Variants in SLC14A2 observed in about 807,000 individuals in gnomAD.
The protein encoded by SLC14A2 is urea transporter 2.
A neutral mutation model predicts 104.6 loss-of-function variants in SLC14A2; 91 were observed. The ratio of observed to expected loss-of-function variants is 0.87; its 90% CI spans 0.73 to 1.04. The LOEUF is 1.04. Ranked by LOEUF, SLC14A2 falls within the 50% of genes least tolerant of loss-of-function variation. The pLI is 0.00. For missense variants in SLC14A2, 1,189 were observed against 1,156.0 expected, an observed-to-expected ratio of 1.03 and a Z score of -0.41; for synonymous variants, 476 against 466.4, an observed-to-expected ratio of 1.02 and a Z score of -0.27.
rs554083807 is a variant in SLC14A2 at position 45,666,028 on chromosome 18, A to G, written c.1475-109A>G. On this transcript the variant is annotated intron_variant, in intron 11 of 19. Coordinates refer to ENST00000255226, the MANE Select transcript of SLC14A2 (RefSeq NM_007163.4). ...GATTCTGTGCTTCCTCAGTAGGAAC[A>G]GGAAATACTGCATAATCTTAACACC... 1.9e-5 allele frequency: 14 copies of G among 748,544 alleles called. No homozygotes were observed. In the African/African-American group the frequency reaches 2.4e-4, roughly 13 times the overall value. 46.4% of individuals were successfully genotyped at this position (748,544 alleles called of 1,614,324 possible).
At chr18:45,335,323 A>G (rs542070613) in intron 1 of SLC14A2, among the ~76,000 whole-genome samples, 41 of 152,234 alleles carry the variant, frequency 2.7e-4, no homozygotes, top group Admixed American at 1.3e-3. Flanking sequence ...CTTTTTGTCT[A>G]GCTTCTTTTA....
chr18:45,314,669 G>T (rs1423820615), intron 1 of SLC14A2, among the ~76,000 whole-genome samples: 3 of 152,224 alleles, frequency 2.0e-5, no homozygotes, highest in African/African-American at 7.2e-5. Context: ...CTTGGCAATT[G>T]CAGAGAATAG....
chr18:45,301,650 A>G (rs757612064), intron 1 of SLC14A2, among the ~76,000 whole-genome samples: 11 of 152,370 alleles, frequency 7.2e-5, no homozygotes, highest in Non-Finnish European at 1.0e-4. Context: ...GTGCAATTCA[A>G]TCAAACTGGC....
chr18:45,382,240 A>G (rs932707641), intron 1 of SLC14A2, among the ~76,000 whole-genome samples: 2 of 152,208 alleles, frequency 1.3e-5, no homozygotes, highest in African/African-American at 4.8e-5. Flanking sequence ...AGTTATTGCT[A>G]TCAGGTGTGT....
At chr18:45,374,502 G>A (rs140793371) in intron 1 of SLC14A2, among the ~76,000 whole-genome samples, 2 of 152,142 alleles carry the variant, frequency 1.3e-5, no homozygotes, top group South Asian at 4.1e-4. Context: ...GACCACCAGA[G>A]TTGGAAGGGA....
chr18:45,237,965 G>A (rs1383011847), intron 1 of SLC14A2, among the ~76,000 whole-genome samples: 1 of 152,180 alleles, frequency 6.6e-6, no homozygotes, highest in Non-Finnish European at 1.5e-5. Context: ...ATAGCTTCAT[G>A]CATATTAATG....
chr18:45,200,813 C>T, the SLC14A2 span, among the ~76,000 whole-genome samples: 4 of 152,126 alleles, frequency 2.6e-5, no homozygotes, highest in African/African-American at 9.6e-5. Flanking sequence ...AAAGTTAGAC[C>T]TCCAAAATAC....
At chr18:45,291,497 C>G (rs1053763395) in intron 1 of SLC14A2, among the ~76,000 whole-genome samples, 3 of 152,110 alleles carry the variant, frequency 2.0e-5, no homozygotes, top group African/African-American at 7.2e-5. Context: ...CTTATTGCCC[C>G]TGGTTACGCA....
intron 2 of SLC14A2, 49 bp from the exon 3 acceptor site, chr18:45,625,634 G>A: frequency 6.8e-7 from 1 of 1,460,726 alleles, no homozygotes; most frequent in Non-Finnish European, 9.2e-7. Context: ...AAATGTCCCT[G>A]CTCTCAGAAA....
chr18:45,550,803 T>C (rs2044045794), intron 2 of SLC14A2, among the ~76,000 whole-genome samples: 1 of 152,200 alleles, frequency 6.6e-6, no homozygotes, highest in Admixed American at 6.5e-5. Context: ...GGTTTCCTTC[T>C]GGGACAGGTC....
chr18:45,455,836 T>C (rs565656951), intron 1 of SLC14A2, among the ~76,000 whole-genome samples: 2 of 152,130 alleles, frequency 1.3e-5, no homozygotes, highest in Admixed American at 1.3e-4. Flanking sequence ...AGACAAAAGC[T>C]ATGAAAAACT....
intron 2 of SLC14A2, among the ~76,000 whole-genome samples, chr18:45,565,151 G>T (rs1482104475): frequency 1.3e-5 from 2 of 149,506 alleles, no homozygotes; most frequent in Non-Finnish European, 3.0e-5. Flanking sequence ...TTGAGACAGA[G>T]TCTTGCTCTG....
rs779275990 is a variant in SLC14A2 at position 45,679,979 on chromosome 18, T to C, written c.2562+955T>C. On this transcript the variant is annotated intron_variant, in intron 19 of 19. Transcript: ENST00000255226. ...GGAACAGGGACCTCATCATATTATCTTTATCTCCAGTATCTGTTATAGTCT... is the reference window on the plus strand; with the variant it reads ...GGAACAGGGACCTCATCATATTATCCTTATCTCCAGTATCTGTTATAGTCT... Among the ~76,000 whole-genome samples, 52 of 152,196 alleles carry C rather than the reference T, an allele frequency of 3.4e-4. 1 individual carries two copies.
chr18:45,477,485 C>A (rs2087404321), intron 1 of SLC14A2, among the ~76,000 whole-genome samples: 1 of 152,216 alleles, frequency 6.6e-6, no homozygotes, highest in Admixed American at 6.5e-5. Flanking sequence ...AGGAGGCAGT[C>A]TGTCCCTTAG....
chr18:45,234,559 C>G (rs1341851204), intron 1 of SLC14A2, among the ~76,000 whole-genome samples: 1 of 152,186 alleles, frequency 6.6e-6, no homozygotes, highest in East Asian at 1.9e-4. Flanking sequence ...TAAAGACCAG[C>G]AATTATTTAA....
At chr18:45,526,170 G>A (rs963163807) in intron 2 of SLC14A2, among the ~76,000 whole-genome samples, 2 of 152,156 alleles carry the variant, frequency 1.3e-5, no homozygotes, top group African/African-American at 2.4e-5. Context: ...TTAGTGCAGC[G>A]TATCTTAGCT....
intron 2 of SLC14A2, among the ~76,000 whole-genome samples, chr18:45,526,557 T>C (rs989161344): frequency 2.6e-5 from 4 of 152,058 alleles, no homozygotes; most frequent in African/African-American, 9.7e-5. Flanking sequence ...ATCCAGTAAA[T>C]GGAAAACAGT....
chr18:45,593,194 G>A (rs2044674742), intron 2 of SLC14A2, among the ~76,000 whole-genome samples: 1 of 151,944 alleles, frequency 6.6e-6, no homozygotes, highest in Non-Finnish European at 1.5e-5. Flanking sequence ...GGCGGCGCCT[G>A]TAGTCCCAGC....
At chr18:45,537,044 TCC>T (rs2043801083) in intron 2 of SLC14A2, among the ~76,000 whole-genome samples, 1 of 28,266 alleles carries the variant, frequency 3.5e-5, no homozygotes, top group South Asian at 1.7e-3. Context: ...CCTCCCTCCC[TCC>T]CTCCCTCCCT....
Sources: gnomAD v4.1 joint callset for allele counts (sites outside exome capture counted in the v4.1 genomes callset) on GRCh38, gnomAD v4.1.1 for gene constraint, MANE v1.5 for transcripts, NCBI Gene and HGNC (gene_info 2026-07-23, HGNC 2026-07-21) for gene names.